The following CUBN variants were observed in gnomAD, a reference collection of about 807,000 sequenced individuals.
The protein encoded by CUBN is 460 kDa receptor.
In CUBN, 282 loss-of-function variants were observed where a neutral mutation model predicts 405.3. That is an observed-to-expected ratio of 0.70 (90% CI 0.63 to 0.77). The LOEUF (loss-of-function observed/expected upper bound fraction) is 0.77, where lower values mean the gene tolerates loss of function less well. Ranked by LOEUF, CUBN falls within the 30% of genes least tolerant of loss-of-function variation. The pLI, the probability that CUBN is intolerant of heterozygous loss-of-function variation, is 0.00. For synonymous variants in CUBN, 1,684 were observed against 1,617.0 expected, an observed-to-expected ratio of 1.04 and a Z score of -0.99; for missense variants, 4,514 against 4,475.2, an observed-to-expected ratio of 1.01 and a Z score of -0.25.
At chr10:17,101,864 T>C (rs931590220) in intron 13 of CUBN, among the ~76,000 whole-genome samples, 1 of 152,150 alleles carries the variant, frequency 6.6e-6, no homozygotes, top group Non-Finnish European at 1.5e-5. Context: ...ATGAAGATAA[T>C]AATTTCTATC....
chr10:16,903,392 C>G (rs969957054), intron 51 of CUBN, among the ~76,000 whole-genome samples: 1 of 151,964 alleles, frequency 6.6e-6, no homozygotes, highest in African/African-American at 2.4e-5. Context: ...ATCATTCCTT[C>G]TGTTCAATAT....
chr10:16,908,872 CTTT>C (rs35736503), intron 48 of CUBN, among the ~76,000 whole-genome samples: 1 of 115,418 alleles, frequency 8.7e-6, no homozygotes. Context: ...GATGTCATCT[CTTT>C]TTTTTTTTTT....
At chr10:17,058,184 G>A (rs1255219108) in intron 22 of CUBN, among the ~76,000 whole-genome samples, 1 of 151,970 alleles carries the variant, frequency 6.6e-6, no homozygotes, top group Non-Finnish European at 1.5e-5. Flanking sequence ...GCTGCCTTTT[G>A]CACAGTTAAA....
chr10:16,988,627 C>G (rs552435784), intron 29 of CUBN, among the ~76,000 whole-genome samples: 1 of 152,088 alleles, frequency 6.6e-6, no homozygotes, highest in Non-Finnish European at 1.5e-5. Context: ...AAAGTAATTC[C>G]TAGTGACTCT....
chr10:17,096,534 T>A (rs1836378766), intron 14 of CUBN, among the ~76,000 whole-genome samples: 1 of 152,042 alleles, frequency 6.6e-6, no homozygotes, highest in Non-Finnish European at 1.5e-5. Context: ...AACAAAAAGC[T>A]GGCAAATCTA....
intron 60 of CUBN, among the ~76,000 whole-genome samples, chr10:16,849,494 C>T (rs1284585004): frequency 2.0e-5 from 3 of 152,196 alleles, no homozygotes; most frequent in Non-Finnish European, 4.4e-5. Flanking sequence ...CCACTGCAGT[C>T]TCACTTGTCT....
intron 31 of CUBN, among the ~76,000 whole-genome samples, chr10:16,967,651 G>A (rs1707279): frequency 0.31 from 47,580 of 151,526 alleles, 7,659 homozygotes; most frequent in Middle Eastern, 0.44. Context: ...GTGGTGGGGC[G>A]TAAAGGAGGG....
intron 14 of CUBN, among the ~76,000 whole-genome samples, chr10:17,095,727 A>G (rs1247499378): frequency 6.6e-6 from 1 of 152,122 alleles, no homozygotes; most frequent in Non-Finnish European, 1.5e-5. Flanking sequence ...TGATTCAGCA[A>G]TCTCACTTCT....
intron 56 of CUBN, among the ~76,000 whole-genome samples, chr10:16,880,645 A>G (rs950290468): frequency 1.3e-5 from 2 of 152,228 alleles, no homozygotes; most frequent in African/African-American, 4.8e-5. Context: ...CTTGCCATTC[A>G]AAGAATCTTG....
At chr10:17,008,854 T>A (rs775314358) in intron 28 of CUBN, among the ~76,000 whole-genome samples, 2 of 152,118 alleles carry the variant, frequency 1.3e-5, no homozygotes, top group African/African-American at 4.8e-5. Context: ...CTGGTCTGAG[T>A]CACTCTGTGT....
chr10:16,851,812 CTCTA>C (rs1268110904), intron 59 of CUBN, among the ~76,000 whole-genome samples: 1 of 134,232 alleles, frequency 7.4e-6, no homozygotes, highest in Non-Finnish European at 1.6e-5. Flanking sequence ...CCCTCCCTCC[CTCTA>C]TATTTCCCTC....
chr10:17,028,800 G>A (rs539938065), intron 27 of CUBN, among the ~76,000 whole-genome samples: 5 of 152,112 alleles, frequency 3.3e-5, no homozygotes, highest in South Asian at 4.2e-4. Context: ...GGGTAAAGAC[G>A]TGTTTAAACA....
chr10:16,997,145 C>T lies in CUBN; in HGVS notation c.4169-6630G>A, dbSNP rs142573612. On this transcript the variant is annotated intron_variant, in intron 28 of 66. Transcript: ENST00000377833. ...AGTTTGCCTTCATTGTGTAAAAAGG[C>T]GGCTTGTGGGCTGGGCGCAGTGGCT... Among the ~76,000 whole-genome samples the T allele has an allele frequency of 1.5e-3, 224 of 152,182 alleles. 1 individual carries two copies. Among genetic ancestry groups the T allele is most frequent in the African/African-American group, 5.0e-3 (207 of 41,532 alleles).
Position 16,904,129 on chromosome 10 carries a change from T to C in CUBN, c.7913-14A>G, listed in dbSNP as rs1564414787. The C allele has an allele frequency of 3.1e-6, 5 of 1,613,004 alleles. No homozygotes were observed. The highest frequency in any genetic ancestry group is 3.4e-6 in the Non-Finnish European group (4 of 1,179,040). On this transcript the variant is annotated splice_polypyrimidine_tract_variant and intron_variant, in intron 50 of 66. Coordinates refer to ENST00000377833, the MANE Select transcript of CUBN (RefSeq NM_001081.4). ...CATCAGCATCACCTGAACAAAATAA[T>C]ATACCAAGTGCCATCATTGATACAG...
chr10:16,926,668 A>T (rs1035541317), intron 41 of CUBN, among the ~76,000 whole-genome samples: 14 of 152,278 alleles, frequency 9.2e-5, no homozygotes, highest in African/African-American at 3.1e-4. Flanking sequence ...AAAAGTCAAA[A>T]ATAACATCAA....
chr10:16,986,504 A>G (rs1288680385), intron 29 of CUBN, among the ~76,000 whole-genome samples: 1 of 152,112 alleles, frequency 6.6e-6, no homozygotes, highest in Non-Finnish European at 1.5e-5. Context: ...AATGAATGAA[A>G]CGGCTGTTAC....
intron 29 of CUBN, 41 bp downstream of exon 29, chr10:16,990,293 C>G (rs768912704): frequency 6.2e-7 from 1 of 1,600,310 alleles, no homozygotes. Flanking sequence ...TGTTCTACCC[C>G]AAACTTTGGA....
intron 14 of CUBN, among the ~76,000 whole-genome samples, chr10:17,089,527 C>A (rs1232478370): frequency 2.0e-5 from 3 of 152,110 alleles, no homozygotes; most frequent in Non-Finnish European, 4.4e-5. Flanking sequence ...AAAGAAGGAG[C>A]AAATAAAACC....
intron 60 of CUBN, among the ~76,000 whole-genome samples, chr10:16,842,213 T>G (rs1588577672): frequency 1.3e-5 from 2 of 152,000 alleles, no homozygotes; most frequent in African/African-American, 4.8e-5. Context: ...CCTAGCTAAT[T>G]AAAAAAAATT....
Sources: gnomAD v4.1 joint callset for allele counts (sites outside exome capture counted in the v4.1 genomes callset) on GRCh38, gnomAD v4.1.1 for gene constraint, MANE v1.5 for transcripts, NCBI Gene and HGNC (gene_info 2026-07-23, HGNC 2026-07-21) for gene names.